The following PML variants were observed in gnomAD, a reference collection of about 807,000 sequenced individuals.
PML encodes the protein PML nuclear body scaffold, also known as protein PML.
Under a neutral mutation model 65.2 loss-of-function variants are expected in PML, and 28 were observed. That is an observed-to-expected ratio of 0.43 (90% CI 0.32 to 0.59). The LOEUF (loss-of-function observed/expected upper bound fraction) is 0.59. PML is among the 20% of genes least tolerant of loss of function. The probability of loss-of-function intolerance (pLI) is 0.08; values close to 1 mark genes in which losing one functional copy is unlikely to be tolerated. For synonymous variants in PML, 500 were observed against 508.8 expected (o/e 0.98, Z 0.23); for missense variants, 1,021 against 1,203.4 (o/e 0.85, Z 2.24).
chr15:73,998,728 T>C (rs2069622001), intron 2 of PML, among the ~76,000 whole-genome samples: 1 of 152,246 alleles, frequency 6.6e-6, no homozygotes, highest in Non-Finnish European at 1.5e-5. Flanking sequence ...TTTGCATCTT[T>C]ATCCAGTAAC....
At chr15:74,017,057 A>C (rs2070624246) in intron 2 of PML, among the ~76,000 whole-genome samples, 1 of 151,728 alleles carries the variant, frequency 6.6e-6, no homozygotes, top group African/African-American at 2.4e-5. Context: ...TCGGCCTCCC[A>C]AAGTGCTGGG....
rs1045948525 is a variant in PML, at chr15:74,037,150, T to A, written c.1710+2620T>A. On this transcript the variant is annotated intron_variant, in intron 7 of 8. Coordinates refer to ENST00000268058, the MANE Select transcript of PML (RefSeq NM_033238.3). This position sits in a 1 kb window ranked among gnomAD's most constrained non-coding sequence, Gnocchi z 4.2. ...GCTCCTTGGTGCTCCGCCCAGCATG[T>A]CCTTTTGCTCTGCAGGGCAGCCCCC... is the stretch of plus-strand genomic sequence containing the variant. 8.1e-6 allele frequency: 8 copies of A among 985,234 alleles called. No individual in the cohort carries two copies. The African/African-American group carries it at 1.4e-4, about 17-fold the overall frequency. 61.0% of individuals were successfully genotyped at this position (985,234 alleles called of 1,614,324 possible).
Position 74,037,564 on chromosome 15 carries a change from G to A in PML, c.1710+3034G>A. ...CTCTGCTCTCCTTGTTTACACTTCA[G>A]CCCCCTCCTTGCCCCTTCTTCACCC... is the stretch of plus-strand genomic sequence containing the variant. On this transcript the variant is annotated intron_variant, in intron 7 of 8. Coordinates refer to ENST00000268058, the MANE Select transcript of PML (RefSeq NM_033238.3). The surrounding 1 kb of genome is among the most constrained non-coding windows in gnomAD (Gnocchi z 4.2). The A allele has an allele frequency of 6.1e-6, 6 of 985,262 alleles. No homozygotes were observed. The highest frequency in any genetic ancestry group is 6.0e-6 in the Non-Finnish European group (5 of 829,892). 61.0% of individuals were successfully genotyped at this position (985,262 alleles called of 1,614,324 possible). A position where few individuals can be genotyped will look rare whatever the true frequency, so the allele number is the denominator to read the frequency against.
At chr15:74,018,226 G>A (rs1283864326) in intron 2 of PML, among the ~76,000 whole-genome samples, 1 of 151,402 alleles carries the variant, frequency 6.6e-6, no homozygotes, top group Non-Finnish European at 1.5e-5. Context: ...GGGAGGCTGA[G>A]GCACAAGAAT....
intron 3 of PML, 87 bp downstream of exon 3, chr15:74,023,495 C>A: frequency 1.8e-6 from 2 of 1,100,834 alleles, no homozygotes; most frequent in Non-Finnish European, 2.7e-6. Flanking sequence ...CTCCATTTGA[C>A]AGAAAAGAAA....
Position 74,045,093 on chromosome 15 carries a change from C to A in PML, c.*85C>A. On this transcript the variant is annotated 3_prime_UTR_variant, in exon 9 of 9. Coordinates refer to ENST00000268058, the MANE Select transcript of PML (RefSeq NM_033238.3). ...CAGGCCCCACCCATCACAGCATTCC[C>A]AGGTCCTGGTACCCAGCCCTCAGTT... The A allele has an allele frequency of 8.0e-7, 1 of 1,243,970 alleles. No individual in the cohort carries two copies. 77.1% of individuals were successfully genotyped at this position (1,243,970 alleles called of 1,614,324 possible).
intron 2 of PML, among the ~76,000 whole-genome samples, chr15:74,009,524 G>A (rs2070222928): frequency 6.6e-6 from 1 of 152,200 alleles, no homozygotes; most frequent in Non-Finnish European, 1.5e-5. Context: ...TATCTTGAAG[G>A]TAGATTTATA....
rs2071606548 is a variant in PML, at chr15:74,037,820, G to A, written c.1710+3290G>A. 1.5e-6 allele frequency: 1 copy of A among 661,592 alleles called. No homozygotes were observed. Among genetic ancestry groups the A allele is most frequent in the Non-Finnish European group, 1.9e-6 (1 of 534,420 alleles). 41.0% of individuals were successfully genotyped at this position (661,592 alleles called of 1,614,324 possible). ...GGGCCCTTTCCTCTTTTCAGTCTGTGTATTCTCCCAGGTGCTCTCAGCCAC... is the reference window on the plus strand; with the variant it reads ...GGGCCCTTTCCTCTTTTCAGTCTGTATATTCTCCCAGGTGCTCTCAGCCAC... On this transcript the variant is annotated intron_variant, in intron 7 of 8. Transcript: ENST00000268058. The surrounding 1 kb of genome is among the most constrained non-coding windows in gnomAD (Gnocchi z 4.2).
intron 2 of PML, among the ~76,000 whole-genome samples, chr15:74,003,559 T>G (rs1428133398): frequency 6.6e-6 from 1 of 152,162 alleles, no homozygotes; most frequent in East Asian, 1.9e-4. Context: ...TTAGCACACT[T>G]TTATAGTTTT....
Position 74,043,855 on chromosome 15 carries a change from A to G in PML, c.1862-366A>G. The G allele has an allele frequency of 1.9e-6, 1 of 521,242 alleles. No individual in the cohort carries two copies. Among genetic ancestry groups the G allele is most frequent in the Non-Finnish European group, 3.7e-6 (1 of 270,388 alleles). 32.3% of individuals were successfully genotyped at this position (521,242 alleles called of 1,614,324 possible). ...CCTTGAGGGGATTGGAGGAAGGAGC[A>G]TGGGATGGAGAGCTAAGTTCAAGCA... On this transcript the variant is annotated intron_variant, in intron 8 of 8. Coordinates refer to ENST00000268058, the MANE Select transcript of PML (RefSeq NM_033238.3). This position sits in a 1 kb window ranked among gnomAD's most constrained non-coding sequence, Gnocchi z 4.3.
At chr15:74,008,695 C>T (rs887242450) in intron 2 of PML, among the ~76,000 whole-genome samples, 4 of 150,328 alleles carry the variant, frequency 2.7e-5, no homozygotes, top group South Asian at 2.1e-4. Context: ...GCCAAGATTG[C>T]GCCGATGCAC....
rs2071371386 is a variant in PML at position 74,032,586 on chromosome 15, G to C, written c.1269G>C (p.Glu423Asp). Reference protein sequence around the residue: ...PIDVDLPEEAERVKAQVQALG... With the variant: ...PIDVDLPEEADRVKAQVQALG... ...CAACTTTGCAGCCCGAGGAGGCAGAGAGAGTGAAGGCCCAGGTTCAGGCCC... is the reference window on the plus strand; with the variant it reads ...CAACTTTGCAGCCCGAGGAGGCAGACAGAGTGAAGGCCCAGGTTCAGGCCC... The change falls in exon 5 of 9, where the codon GAG becomes GAC. Residue 423 changes from glutamate (E) to aspartate (D), a missense_variant. Transcript: ENST00000268058. The C allele has an allele frequency of 3.1e-6, 5 of 1,614,114 alleles. No individual in the cohort carries two copies. In the East Asian group the frequency reaches 8.9e-5, roughly 29 times the overall value.
At chr15:74,004,056 A>G (rs1024194108) in intron 2 of PML, among the ~76,000 whole-genome samples, 1 of 152,140 alleles carries the variant, frequency 6.6e-6, no homozygotes, top group African/African-American at 2.4e-5. Context: ...CTAATGGTCT[A>G]TTTTTTCTCT....
chr15:74,039,038 G>A (rs935257724), intron 7 of PML, among the ~76,000 whole-genome samples: 6 of 152,214 alleles, frequency 3.9e-5, no homozygotes, highest in African/African-American at 1.2e-4. Context: ...GGAAAAGATA[G>A]GTGTTTTCAC....
At chr15:74,004,765 G>C (rs2069956172) in intron 2 of PML, among the ~76,000 whole-genome samples, 1 of 147,984 alleles carries the variant, frequency 6.8e-6, no homozygotes, top group South Asian at 2.1e-4. Flanking sequence ...GGAATATAGT[G>C]GCATGATCTT....
intron 7 of PML, among the ~76,000 whole-genome samples, chr15:74,038,179 C>T (rs984045167): frequency 2.0e-5 from 3 of 152,066 alleles, no homozygotes; most frequent in African/African-American, 7.3e-5. Context: ...TACCACTGAC[C>T]CTGGGTAGAG....
chr15:74,013,535 G>A (rs2070424646), intron 2 of PML, among the ~76,000 whole-genome samples: 1 of 152,048 alleles, frequency 6.6e-6, no homozygotes, highest in African/African-American at 2.4e-5. Flanking sequence ...TTTGAATTTT[G>A]TAACAAATTC....
intron 2 of PML, among the ~76,000 whole-genome samples, chr15:74,001,507 T>C (rs2069761006): frequency 6.6e-6 from 1 of 151,898 alleles, no homozygotes; most frequent in African/African-American, 2.4e-5. Context: ...GCCTGGCTAA[T>C]TTTTTTTATT....
At chr15:74,005,471 A>G (rs1221360898) in intron 2 of PML, among the ~76,000 whole-genome samples, 1 of 151,478 alleles carries the variant, frequency 6.6e-6, no homozygotes, top group Non-Finnish European at 1.5e-5. Context: ...TTTTTCCCCG[A>G]GATTCTCAGA....
Sources: gnomAD v4.1 joint callset for allele counts (sites outside exome capture counted in the v4.1 genomes callset) on GRCh38, gnomAD v4.1.1 for gene constraint, Gnocchi (gnomAD v3.1) non-coding constraint, MANE v1.5 for transcripts, NCBI Gene and HGNC (gene_info 2026-07-23, HGNC 2026-07-21) for gene names.